Variants in TLE3 observed in about 807,000 individuals in gnomAD.
TLE3 encodes transducin-like enhancer protein 3.
TLE3 carries 14 observed loss-of-function variants against 93.0 expected under a neutral mutation model. The ratio of observed to expected loss-of-function variants is 0.15; its 90% CI spans 0.10 to 0.24. The LOEUF is 0.24. TLE3 is among the 10% of genes least tolerant of loss of function. The probability of loss-of-function intolerance (pLI) is 1.00; values close to 1 mark genes in which losing one functional copy is unlikely to be tolerated. For synonymous variants in TLE3, 451 were observed against 425.0 expected (o/e 1.06, Z -0.75); for missense variants, 693 against 1,046.6 (o/e 0.66, Z 4.66).
Position 70,096,250 on chromosome 15 carries a change from T to A in TLE3, c.36A>T (p.Gln12His). 1.9e-6 allele frequency: 3 copies of A among 1,553,478 alleles called. No individual in the cohort carries two copies. The highest frequency in any genetic ancestry group is 2.6e-6 in the Non-Finnish European group (3 of 1,148,536). The change falls in exon 2 of 20, where the codon CAA becomes CAT. Residue 12 changes from glutamine (Q) to histidine (H), a missense_variant. By Grantham distance (24) the Gln-to-His change is conservative (BLOSUM62 0). This residue lies in a region of TLE3 where 31 missense variants were observed against 24.0 expected (regional missense o/e 1.29). Coordinates refer to ENST00000451782, the MANE Select transcript of TLE3 (RefSeq NM_001105192.3). ...TGAATTTAAATCCCGGCTGCCCGGG[T>A]TGATGGGGAGCCTGGAGCCCGCGAA... ...YPQGRHPAPH[Q>H]PGQPGFKFTV...
intron 7 of TLE3, among the ~76,000 whole-genome samples, chr15:70,065,718 G>C (rs2056771593): frequency 1.3e-5 from 2 of 152,254 alleles, no homozygotes; most frequent in Non-Finnish European, 2.9e-5. Context: ...GGGTTGGACT[G>C]GGGCTGGCCC....
At chr15:70,079,997 T>G (rs74021484) in intron 4 of TLE3, among the ~76,000 whole-genome samples, 1 of 150,994 alleles carries the variant, frequency 6.6e-6, no homozygotes, top group African/African-American at 2.4e-5. Flanking sequence ...CACTTCTGAT[T>G]AGAACAGCTG....
At chr15:70,088,544 G>A (rs1338080298) in intron 4 of TLE3, among the ~76,000 whole-genome samples, 2 of 152,226 alleles carry the variant, frequency 1.3e-5, no homozygotes, top group Non-Finnish European at 2.9e-5. Flanking sequence ...GTCCCTTTAA[G>A]CATATAAAAA....
At chr15:70,096,317 G>A (rs1380974821) in intron 1 of TLE3, 56 bp from the exon 2 acceptor site, 5 of 1,547,758 alleles carry the variant, frequency 3.2e-6, no homozygotes, top group Non-Finnish European at 4.4e-6. Context: ...ACCGCGCTCA[G>A]AGCGGCCCCG....
At chr15:70,086,109 A>C (rs942469171) in intron 4 of TLE3, among the ~76,000 whole-genome samples, 4 of 152,086 alleles carry the variant, frequency 2.6e-5, no homozygotes, top group Non-Finnish European at 5.9e-5. Flanking sequence ...ACTCCAGACC[A>C]TCTGGCATCA....
At position 70,053,378 on chromosome 15, in the gene TLE3, C is replaced by T. The variant is rs372612558; in HGVS notation, c.1827-4G>A. The T allele has an allele frequency of 1.9e-4, 305 of 1,596,652 alleles. No individual in the cohort carries two copies. Among genetic ancestry groups the T allele is most frequent in the Non-Finnish European group, 2.1e-4 (245 of 1,168,134 alleles). ...ATCTGTGTGGCCCTGGAACTGCCTA[C>T]GAAAGCCAAGCAGGGAGGAGGGTGA... On this transcript the variant is annotated splice_polypyrimidine_tract_variant and splice_region_variant and intron_variant, in intron 16 of 19. Transcript: ENST00000451782.
chr15:70,057,729 C>CAATA (rs1253134169), intron 12 of TLE3, 71 bp from the exon 13 acceptor site: 91 of 1,511,516 alleles, frequency 6.0e-5, no homozygotes, highest in Middle Eastern at 2.3e-4. Context: ...CCTCACCCAG[C>CAATA]AATAACCCTC....
rs753374037 is a variant in TLE3 at position 70,058,334 on chromosome 15, C to T, written c.919-43G>A. On this transcript the variant is annotated intron_variant, in intron 11 of 19. Transcript: ENST00000451782. This position sits in a 1 kb window ranked among gnomAD's most constrained non-coding sequence, Gnocchi z 4.1. The stretch of plus-strand genomic sequence containing the variant: ...AGAACAAGGGAGGCCATGAGGCTTC[C>T]ATTCTCCTAGGAGCCGGGCACAACT... 2 of 1,555,972 alleles carry T rather than the reference C, an allele frequency of 1.3e-6. No homozygotes were observed. The highest frequency in any genetic ancestry group is 3.7e-5 in the Admixed American group (2 of 53,808).
At chr15:70,064,388 A>G in intron 8 of TLE3, 66 bp downstream of exon 8, 1 of 1,599,606 alleles carries the variant, frequency 6.3e-7, no homozygotes, top group Admixed American at 1.7e-5. Context: ...CGATTCTGGG[A>G]GCCCCGAGTC....
At chr15:70,078,528 G>A (rs2057571776) in intron 4 of TLE3, among the ~76,000 whole-genome samples, 1 of 152,248 alleles carries the variant, frequency 6.6e-6, no homozygotes, top group Non-Finnish European at 1.5e-5. Flanking sequence ...CCAAAGAATA[G>A]TATCACTGGC....
intron 8 of TLE3, among the ~76,000 whole-genome samples, chr15:70,062,133 T>G (rs1002060492): frequency 6.6e-6 from 1 of 152,174 alleles, no homozygotes; most frequent in Non-Finnish European, 1.5e-5. Flanking sequence ...CCGAAGCAAA[T>G]TAAAATGGCA....
Position 70,058,928 on chromosome 15 carries a change from T to A in TLE3, c.766-113A>T. ...TGGGCGATGGGAAGACGAGCTTGGC[T>A]GAAAGACTGGGGGCCCCACAGTGAG... is the stretch of plus-strand genomic sequence containing the variant. On this transcript the variant is annotated intron_variant, in intron 10 of 19. Transcript: ENST00000451782. This position sits in a 1 kb window ranked among gnomAD's most constrained non-coding sequence, Gnocchi z 4.1. 1 of 1,382,710 alleles carries A rather than the reference T, an allele frequency of 7.2e-7. No homozygotes were observed. The highest frequency in any genetic ancestry group is 9.5e-7 in the Non-Finnish European group (1 of 1,055,580). 85.7% of individuals were successfully genotyped at this position (1,382,710 alleles called of 1,614,324 possible). A position where few individuals can be genotyped will look rare whatever the true frequency, so the allele number is the denominator to read the frequency against.
At chr15:70,088,359 C>G (rs2058131878) in intron 4 of TLE3, among the ~76,000 whole-genome samples, 1 of 152,210 alleles carries the variant, frequency 6.6e-6, no homozygotes, top group African/African-American at 2.4e-5. Flanking sequence ...ACGTTTCCCC[C>G]TTCCTTAAGT....
intron 5 of TLE3, 142 bp from the exon 6 acceptor site, chr15:70,074,749 G>A (rs187144330): frequency 7.2e-6 from 4 of 553,080 alleles, no homozygotes. Context: ...GCACAAGTAG[G>A]GGGGAGGGTG....
chr15:70,071,377 T>G (rs914372063), intron 6 of TLE3, among the ~76,000 whole-genome samples: 2 of 152,154 alleles, frequency 1.3e-5, no homozygotes, highest in Non-Finnish European at 2.9e-5. Flanking sequence ...TGGGTAGGCT[T>G]GGCTTGAGAG....
chr15:70,050,693 T>G (rs890173957), intron 19 of TLE3: 2 of 155,134 alleles, frequency 1.3e-5, no homozygotes, highest in Non-Finnish European at 2.9e-5. Context: ...CACCAGACAT[T>G]TCAGCCTGGG....
intron 16 of TLE3, chr15:70,053,731 G>C (rs1027654997): frequency 5.3e-6 from 1 of 190,318 alleles, no homozygotes; most frequent in Non-Finnish European, 1.1e-5. Context: ...CCCTGGGGAA[G>C]CTACGTGTGA....
At chr15:70,086,089 T>C (rs116581410) in intron 4 of TLE3, among the ~76,000 whole-genome samples, 1,598 of 152,276 alleles carry the variant, frequency 0.01, 33 homozygotes, top group African/African-American at 0.037. Context: ...ACCCGACCAG[T>C]TAGACCCTCA....
intron 6 of TLE3, among the ~76,000 whole-genome samples, chr15:70,071,516 C>A (rs1224377667): frequency 6.6e-6 from 1 of 152,186 alleles, no homozygotes; most frequent in Admixed American, 6.5e-5. Flanking sequence ...ATGCCACCAG[C>A]TACCTCCCTG....
Sources: gnomAD v4.1 joint callset for allele counts (sites outside exome capture counted in the v4.1 genomes callset) on GRCh38, gnomAD v4.1.1 for gene constraint, gnomAD v4.1.1 regional missense constraint, Gnocchi (gnomAD v3.1) non-coding constraint, MANE v1.5 for transcripts, NCBI Gene and HGNC (gene_info 2026-07-23, HGNC 2026-07-21) for gene names.